Variants in KCNIP1 observed in about 807,000 individuals in gnomAD.
KCNIP1 encodes potassium voltage-gated channel interacting protein 1.
A neutral mutation model predicts 33.0 loss-of-function variants in KCNIP1; 18 were observed. The observed-to-expected ratio is 0.55, with a 90% CI of 0.38 to 0.81. The LOEUF is 0.81. KCNIP1 is among the 30% of genes least tolerant of loss of function. The pLI is 0.00. For missense variants in KCNIP1, 238 were observed against 271.6 expected (o/e 0.88, Z 0.87); for synonymous variants, 93 against 98.3 (o/e 0.95, Z 0.32).
intron 1 of KCNIP1, among the ~76,000 whole-genome samples, chr5:170,715,489 T>C (rs1250851494): frequency 6.6e-6 from 1 of 152,212 alleles, no homozygotes; most frequent in Non-Finnish European, 1.5e-5. Context: ...TACTATTCAA[T>C]CTGAGAATTT....
intron 1 of KCNIP1, among the ~76,000 whole-genome samples, chr5:170,400,694 A>G (rs1013187801): frequency 1.3e-5 from 2 of 152,222 alleles, no homozygotes; most frequent in African/African-American, 4.8e-5. Flanking sequence ...TCCTAATTTT[A>G]TAGATGGGGA....
intron 1 of KCNIP1, among the ~76,000 whole-genome samples, chr5:170,656,991 T>TA (rs1761294248): frequency 9.6e-6 from 1 of 104,648 alleles, no homozygotes; most frequent in Non-Finnish European, 1.8e-5. Context: ...CTTTTTTCTT[T>TA]CTTTCTTTTT....
At chr5:170,621,190 G>A (rs1759588079) in intron 1 of KCNIP1, among the ~76,000 whole-genome samples, 1 of 152,170 alleles carries the variant, frequency 6.6e-6, no homozygotes, top group Non-Finnish European at 1.5e-5. Context: ...CACCTAGCTG[G>A]GCTGCCCTGG....
At chr5:170,516,470 C>G (rs1345776038) in intron 1 of KCNIP1, among the ~76,000 whole-genome samples, 2 of 152,208 alleles carry the variant, frequency 1.3e-5, no homozygotes, top group African/African-American at 4.8e-5. Context: ...TACTTGGTGA[C>G]TTGAACTGAT....
At chr5:170,643,809 A>T (rs895714343) in intron 1 of KCNIP1, among the ~76,000 whole-genome samples, 142 of 152,220 alleles carry the variant, frequency 9.3e-4, no homozygotes, top group Admixed American at 8.6e-3. Context: ...TGGCTGGGGG[A>T]CCATGGGTCA....
chr5:170,536,960 A>T (rs1756010906), intron 1 of KCNIP1, among the ~76,000 whole-genome samples: 1 of 152,158 alleles, frequency 6.6e-6, no homozygotes, highest in Non-Finnish European at 1.5e-5. Flanking sequence ...CAGAAAAATT[A>T]TTACTGAAGG....
Position 170,636,033 on chromosome 5 carries a change from G to A in KCNIP1, c.62-82725G>A, listed in dbSNP as rs536254632. On this transcript the variant is annotated intron_variant, in intron 1 of 7. Coordinates refer to ENST00000328939, the MANE Select transcript of KCNIP1 (RefSeq NM_014592.4). ...GTTCTCCCAGATGTGACTCCGATGTGACATTTTGGAGACTCCCTCAACACC... is the reference window on the plus strand; with the variant it reads ...GTTCTCCCAGATGTGACTCCGATGTAACATTTTGGAGACTCCCTCAACACC... 1.3e-4 allele frequency among the ~76,000 whole-genome samples: 20 copies of A among 152,364 alleles called. No homozygotes were observed. In the South Asian group the frequency reaches 2.7e-3, roughly 20 times the overall value.
At chr5:170,535,313 T>C (rs1239127084) in intron 1 of KCNIP1, among the ~76,000 whole-genome samples, 1 of 152,156 alleles carries the variant, frequency 6.6e-6, no homozygotes, top group East Asian at 1.9e-4. Context: ...GGGGTGCCCT[T>C]GGGTGAAGGA....
At chr5:170,640,511 A>G (rs1581433270) in intron 1 of KCNIP1, among the ~76,000 whole-genome samples, 1 of 152,236 alleles carries the variant, frequency 6.6e-6, no homozygotes, top group Non-Finnish European at 1.5e-5. Context: ...GCCAATATCC[A>G]GAGCTGGGTT....
rs182017019 is a variant in KCNIP1, at chr5:170,510,671, C to T, written c.61+6038C>T. Among the ~76,000 whole-genome samples the T allele has an allele frequency of 4.6e-5, 7 of 152,298 alleles. No individual in the cohort carries two copies. The East Asian group carries it at 9.6e-4, about 21-fold the overall frequency. ...GTAGTGGTAGTCAGTTGGGATATTG[C>T]TAGCTTCCCGTACCCCAGCCATGGG... On this transcript the variant is annotated intron_variant, in intron 1 of 7. Coordinates refer to ENST00000328939, the MANE Select transcript of KCNIP1 (RefSeq NM_014592.4).
chr5:170,505,351 G>C (rs1449596578), intron 1 of KCNIP1, among the ~76,000 whole-genome samples: 1 of 152,204 alleles, frequency 6.6e-6, no homozygotes, highest in Non-Finnish European at 1.5e-5. Flanking sequence ...AATGGGTCCA[G>C]GTGAAGTTGG....
chr5:170,489,974 G>T lies in KCNIP1; in HGVS notation c.88+136010G>T, dbSNP rs1482497851. Among the ~76,000 whole-genome samples the T allele has an allele frequency of 1.3e-5, 2 of 152,162 alleles. No individual in the cohort carries two copies. Among genetic ancestry groups the T allele is most frequent in the Non-Finnish European group, 2.9e-5 (2 of 68,050 alleles). ...GCTGCAAGAAGGAGATGAGCTCCAG[G>T]GTTTGAGGGTTAAGGACATTCACCA... On this transcript the variant is annotated intron_variant, in intron 1 of 7. Coordinates refer to the KCNIP1 transcript ENST00000377360. This position sits in a 1 kb window ranked among gnomAD's most constrained non-coding sequence, Gnocchi z 4.3.
At chr5:170,596,835 A>G (rs1259849978) in intron 1 of KCNIP1, among the ~76,000 whole-genome samples, 1 of 152,246 alleles carries the variant, frequency 6.6e-6, no homozygotes, top group East Asian at 1.9e-4. Flanking sequence ...GTCCCCAACC[A>G]TGGGACTGGA....
At chr5:170,470,739 A>AT (rs1214671196) in intron 1 of KCNIP1, among the ~76,000 whole-genome samples, 1 of 152,140 alleles carries the variant, frequency 6.6e-6, no homozygotes, top group Non-Finnish European at 1.5e-5. Context: ...GGATTCAAAG[A>AT]TTTTTCAGTG....
At chr5:170,519,872 T>C (rs111440466) in intron 1 of KCNIP1, among the ~76,000 whole-genome samples, 3,415 of 152,222 alleles carry the variant, frequency 0.022, 138 homozygotes, top group African/African-American at 0.078. Context: ...TTTGTATTGT[T>C]GTGATTGTTC....
chr5:170,528,083 A>C (rs1413318281), intron 1 of KCNIP1, among the ~76,000 whole-genome samples: 3 of 152,128 alleles, frequency 2.0e-5, no homozygotes, highest in Non-Finnish European at 4.4e-5. Context: ...AGCCTCAAGG[A>C]TTGACTGCAG....
chr5:170,399,726 C>T (rs1215741576), intron 1 of KCNIP1, among the ~76,000 whole-genome samples: 1 of 152,122 alleles, frequency 6.6e-6, no homozygotes, highest in African/African-American at 2.4e-5. Flanking sequence ...TTTCAAAATA[C>T]CAGTACTTCA....
At chr5:170,550,562 T>A (rs2113411447) in intron 1 of KCNIP1, among the ~76,000 whole-genome samples, 1 of 151,436 alleles carries the variant, frequency 6.6e-6, no homozygotes, top group South Asian at 2.1e-4. Context: ...ATGACAATGA[T>A]GGTGATGATG....
intron 1 of KCNIP1, among the ~76,000 whole-genome samples, chr5:170,698,516 G>GT (rs1561771203): frequency 6.6e-6 from 1 of 152,118 alleles, no homozygotes; most frequent in African/African-American, 2.4e-5. Flanking sequence ...TACCTCACTG[G>GT]TTTTAGGAAG....
Sources: gnomAD v4.1 joint callset for allele counts (sites outside exome capture counted in the v4.1 genomes callset) on GRCh38, gnomAD v4.1.1 for gene constraint, Gnocchi (gnomAD v3.1) non-coding constraint, MANE v1.5 for transcripts, NCBI Gene and HGNC (gene_info 2026-07-23, HGNC 2026-07-21) for gene names.